ZNF534: variants seen among roughly 807,000 people sequenced by gnomAD.
ZNF534 encodes the protein KRAB domain only 3.
Under a neutral mutation model 13.6 loss-of-function variants are expected in ZNF534, and 19 were observed. The ratio of observed to expected loss-of-function variants is 1.40; its 90% confidence interval spans 0.97 to 2.05. ZNF534 has a LOEUF of 2.05. ZNF534 is among the 30% of genes most tolerant of loss of function. The probability of loss-of-function intolerance (pLI) is 0.00; values close to 1 mark genes in which losing one functional copy is unlikely to be tolerated. For missense variants in ZNF534, 782 were observed against 796.3 expected (o/e 0.98, Z 0.22); for synonymous variants, 244 against 273.8 (o/e 0.89, Z 1.07).
chr19:52,451,795 T>G (rs878938263), exon 5 of ZNF534: 15 of 709,200 alleles, frequency 2.1e-5, no homozygotes, highest in Non-Finnish European at 3.9e-5. Context: ...CTTTAATTTT[T>G]GCAAAGAAAA....
In ZNF534 at chr19:52,437,935, A is replaced by G. The variant is rs1190897192; in HGVS notation, c.475A>G (p.Ile159Val). The change falls in exon 5 of 5, where the codon ATT becomes GTT. Residue 159 changes from isoleucine to valine, a missense_variant. Ile to Val is a conservative substitution (Grantham distance 29, BLOSUM62 3). This residue lies in a region of ZNF534 where 591 missense variants were observed against 574.0 expected (regional missense o/e 1.03). Transcript: ENST00000433050. ...QISFFSVKTH[I>V]FNNYRNDFLF... ...AAGTTTTTTCAGTGTCAAAACCCAT[A>G]TTTTTAATAACTACAGAAATGATTT... is the stretch of plus-strand genomic sequence containing the variant. 4 of 1,612,554 alleles carry G rather than the reference A, an allele frequency of 2.5e-6. No homozygotes were observed. The highest frequency in any genetic ancestry group is 3.4e-6 in the Non-Finnish European group (4 of 1,179,504).
chr19:52,435,631 A>G (rs984306496), intron 4 of ZNF534, among the ~76,000 whole-genome samples: 2 of 151,698 alleles, frequency 1.3e-5, no homozygotes, highest in African/African-American at 4.8e-5. Flanking sequence ...AGCCTTCTGA[A>G]TAGCTGGGAC....
Position 52,437,841 on chromosome 19 carries a change from G to A in ZNF534, c.381G>A (p.Arg127=). ...LTEWQPFQAV[R]NIYGCKHVEK... ...AATGGCAGCCATTTCAAGCTGTAAG[G>A]AATATTTATGGATGTAAGCATGTTG... Residue 127 remains arginine, a synonymous_variant, in exon 5 of 5, where the codon AGG becomes AGA. Coordinates refer to ENST00000433050, the MANE Select transcript of ZNF534 (RefSeq NM_001143938.3). 1 of 1,613,730 alleles carries A rather than the reference G, an allele frequency of 6.2e-7. No homozygotes were observed. The highest frequency in any genetic ancestry group is 8.5e-7 in the Non-Finnish European group (1 of 1,179,808).
At position 52,435,123 on chromosome 19, in the gene ZNF534, A is replaced by G. The variant is rs1318248555; in HGVS notation, c.185A>G (p.Gln62Arg). ...CTGAGTGTTACCTCCATGTTGGAGC[A>G]AAAGAGAGATCCCTGGACTCTGCAG... ...PDLSVTSMLE[Q>R]KRDPWTLQSE... Residue 62 changes from glutamine to arginine, a missense_variant, in exon 4 of 5, where the codon CAA becomes CGA. Physicochemically the swap from Gln to Arg is conservative, Grantham distance 43 (BLOSUM62 1). This residue lies in a region of ZNF534 where 30 missense variants were observed against 55.4 expected (regional missense o/e 0.54). Coordinates refer to ENST00000433050, the MANE Select transcript of ZNF534 (RefSeq NM_001143938.3). 1 of 1,613,306 alleles carries G rather than the reference A, an allele frequency of 6.2e-7. No individual in the cohort carries two copies. The highest frequency in any genetic ancestry group is 8.5e-7 in the Non-Finnish European group (1 of 1,179,416).
At chr19:52,429,592 C>CT (rs112310318) in intron 1 of ZNF534, among the ~76,000 whole-genome samples, 275 of 137,988 alleles carry the variant, frequency 2.0e-3, no homozygotes, top group Middle Eastern at 4.0e-3. Context: ...ACTTAATAGT[C>CT]TTTTTTTTTT....
intron 2 of ZNF534, among the ~76,000 whole-genome samples, chr19:52,433,218 A>G (rs889384083): frequency 6.8e-6 from 1 of 146,712 alleles, no homozygotes; most frequent in African/African-American, 2.5e-5. Flanking sequence ...CAGTCTGGGA[A>G]ACAGTAAGAT....
At chr19:52,431,354 C>CACAAA in intron 1 of ZNF534, 54 bp from the exon 2 acceptor site, 2 of 1,338,370 alleles carry the variant, frequency 1.5e-6, no homozygotes, top group Admixed American at 3.9e-5. Flanking sequence ...GGCTGTGGCA[C>CACAAA]AGGAAGTGGG....
chr19:52,445,298 G>C (rs1399572660), downstream of ZNF534, among the ~76,000 whole-genome samples: 1 of 151,844 alleles, frequency 6.6e-6, no homozygotes, highest in Non-Finnish European at 1.5e-5. Flanking sequence ...CAGTGCTCAA[G>C]CGATTCTCCT....
downstream of ZNF534, among the ~76,000 whole-genome samples, chr19:52,443,330 G>C (rs987780551): frequency 9.9e-5 from 15 of 152,252 alleles, no homozygotes; most frequent in East Asian, 2.9e-3. Flanking sequence ...GTTTTCCTCA[G>C]TTATTACCCT....
chr19:52,430,269 G>T (rs758143625), intron 1 of ZNF534, among the ~76,000 whole-genome samples: 1 of 151,354 alleles, frequency 6.6e-6, no homozygotes, highest in South Asian at 2.1e-4. Context: ...ACCTGCCTCG[G>T]CCTCCCAAAG....
In ZNF534 at chr19:52,439,609, A is replaced by T. The variant is rs942473041; in HGVS notation, c.*163A>T. Among the ~76,000 whole-genome samples the T allele has an allele frequency of 3.5e-4, 41 of 118,368 alleles. No individual in the cohort carries two copies. The highest frequency in any genetic ancestry group is 1.3e-3 in the African/African-American group (41 of 31,426). 77.7% of individuals were successfully genotyped at this position (118,368 alleles called of 152,430 possible). A position where few individuals can be genotyped will look rare whatever the true frequency, so the allele number is the denominator to read the frequency against. ...ATACAAAAAAAAAAAAAAAAAAAAA[A>T]TTAGCTGGGTGTGGTGGCAGGCACC... On this transcript the variant is annotated 3_prime_UTR_variant, in exon 5 of 5. Coordinates refer to ENST00000433050, the MANE Select transcript of ZNF534 (RefSeq NM_001143938.3).
rs1327317853 is a variant in ZNF534, at chr19:52,437,959, T to C, written c.499T>C (p.Phe167Leu). 6.2e-7 allele frequency: 1 copy of C among 1,613,612 alleles called. No individual in the cohort carries two copies. Among genetic ancestry groups the C allele is most frequent in the Non-Finnish European group, 8.5e-7 (1 of 1,179,880 alleles). ...TATTTTTAATAACTACAGAAATGAT[T>C]TTCTTTTTTCTACATTACTCCCACA... The part of the protein sequence containing the change: ...THIFNNYRND[F>L]LFSTLLPQEQ... Residue 167 changes from phenylalanine to leucine, a missense_variant, in exon 5 of 5, where the codon TTT becomes CTT. By Grantham distance (22) the Phe-to-Leu change is conservative. Around this residue, in one of 5 missense-constraint regions of ZNF534, gnomAD observed 591 missense variants for 574.0 expected, o/e 1.03. Transcript: ENST00000433050.
At chr19:52,433,067 ACT>A (rs902069356) in intron 2 of ZNF534, among the ~76,000 whole-genome samples, 16 of 151,606 alleles carry the variant, frequency 1.1e-4, no homozygotes, top group African/African-American at 3.4e-4. Flanking sequence ...ATGTGGTGAG[ACT>A]CTATCTCTAC....
At chr19:52,431,142 C>T (rs1193981517) in intron 1 of ZNF534, among the ~76,000 whole-genome samples, 3 of 152,202 alleles carry the variant, frequency 2.0e-5, no homozygotes, top group South Asian at 2.1e-4. Context: ...GGAGCCACCG[C>T]ACCCGGCCAA....
Position 52,441,959 on chromosome 19 carries a change from C to T in ZNF534, c.*2513C>T, listed in dbSNP as rs138979814. 3.8e-3 allele frequency among the ~76,000 whole-genome samples: 579 copies of T among 152,268 alleles called. 2 individuals are homozygous for T. Among genetic ancestry groups the T allele is most frequent in the Non-Finnish European group, 6.1e-3 (413 of 68,026 alleles). ...CGTCATGAGTTTTAGCATTAATGAACATCAGAGGTTCCATACTAAGGAGAA... is the reference window on the plus strand; with the variant it reads ...CGTCATGAGTTTTAGCATTAATGAATATCAGAGGTTCCATACTAAGGAGAA... On this transcript the variant is annotated 3_prime_UTR_variant, in exon 5 of 5. Transcript: ENST00000433050.
At chr19:52,445,019 G>A (rs1490441893), downstream of ZNF534, among the ~76,000 whole-genome samples, 1 of 152,152 alleles carries the variant, frequency 6.6e-6, no homozygotes, top group African/African-American at 2.4e-5. Flanking sequence ...TTTTGGCCAG[G>A]AGACTTCTCA....
In ZNF534 at chr19:52,440,732, G is replaced by A. The variant is rs1380359847; in HGVS notation, c.*1286G>A. Among the ~76,000 whole-genome samples the A allele has an allele frequency of 6.7e-6, 1 of 149,978 alleles. No individual in the cohort carries two copies. Among genetic ancestry groups the A allele is most frequent in the African/African-American group, 2.5e-5 (1 of 40,644 alleles). On this transcript the variant is annotated 3_prime_UTR_variant, in exon 5 of 5. Coordinates refer to ENST00000433050, the MANE Select transcript of ZNF534 (RefSeq NM_001143938.3). ...GGAGATGGAGGTTGCAGTGAGCCAAGAATGCGCTACTACACTCCAGCCTGT... is the reference window on the plus strand; with the variant it reads ...GGAGATGGAGGTTGCAGTGAGCCAAAAATGCGCTACTACACTCCAGCCTGT...
chr19:52,444,294 G>T (rs187077256), downstream of ZNF534, among the ~76,000 whole-genome samples: 9 of 152,242 alleles, frequency 5.9e-5, no homozygotes, highest in African/African-American at 2.2e-4. Flanking sequence ...CACCCAGCAG[G>T]TCTGCCAGGC....
chr19:52,442,198 A>C lies in ZNF534; in HGVS notation c.*2752A>C, dbSNP rs2059177510. On this transcript the variant is annotated 3_prime_UTR_variant, in exon 5 of 5. Coordinates refer to ENST00000433050, the MANE Select transcript of ZNF534 (RefSeq NM_001143938.3). Reference sequence around the variant, plus strand: ...GGCCACCAAAACTGGCCATAAACAAAATCTCTGTAGGACTGTGACATGTTC... The same window carrying C: ...GGCCACCAAAACTGGCCATAAACAACATCTCTGTAGGACTGTGACATGTTC... Among the ~76,000 whole-genome samples the C allele has an allele frequency of 6.6e-6, 1 of 152,210 alleles. No homozygotes were observed. The highest frequency in any genetic ancestry group is 1.5e-5 in the Non-Finnish European group (1 of 68,034).
Sources: gnomAD v4.1 joint callset for allele counts (sites outside exome capture counted in the v4.1 genomes callset) on GRCh38, gnomAD v4.1.1 for gene constraint, gnomAD v4.1.1 regional missense constraint, MANE v1.5 for transcripts, NCBI Gene and HGNC (gene_info 2026-07-23, HGNC 2026-07-21) for gene names.